The following VPS8 variants were observed in gnomAD, a reference collection of about 807,000 sequenced individuals.
VPS8 encodes VPS8 subunit of CORVET complex, also known as vacuolar protein sorting-associated protein 8 homolog.
Under a neutral mutation model 216.4 loss-of-function variants are expected in VPS8, and 129 were observed. That is an observed-to-expected ratio of 0.60 (90% CI 0.52 to 0.69). The LOEUF (loss-of-function observed/expected upper bound fraction) is 0.69, where lower values mean the gene tolerates loss of function less well. Ranked by LOEUF, VPS8 falls within the 30% of genes least tolerant of loss-of-function variation. VPS8 has a pLI of 0.00. For synonymous variants in VPS8, 571 were observed against 565.4 expected, an observed-to-expected ratio of 1.01 and a Z score of -0.14; for missense variants, 1,531 against 1,683.5, an observed-to-expected ratio of 0.91 and a Z score of 1.59.
chr3:185,030,597 G>A (rs1369746561), intron 46 of VPS8, among the ~76,000 whole-genome samples: 1 of 152,200 alleles, frequency 6.6e-6, no homozygotes, highest in African/African-American at 2.4e-5. Flanking sequence ...AAGCCTGTTA[G>A]GTGCCAGGGT....
At chr3:184,920,086 C>T in intron 28 of VPS8, 41 bp from the exon 29 acceptor site, 1 of 1,323,766 alleles carries the variant, frequency 7.6e-7, no homozygotes, top group Non-Finnish European at 1.0e-6. Flanking sequence ...TCTACATGTG[C>T]AAATAATAAT....
chr3:184,954,985 A>G (rs925758911), intron 36 of VPS8, among the ~76,000 whole-genome samples: 1 of 152,190 alleles, frequency 6.6e-6, no homozygotes, highest in Admixed American at 6.5e-5. Context: ...GTGAGAAGTG[A>G]CCTAGAAGGC....
chr3:184,945,488 T>G (rs1743513827), intron 36 of VPS8, among the ~76,000 whole-genome samples: 1 of 152,150 alleles, frequency 6.6e-6, no homozygotes, highest in Non-Finnish European at 1.5e-5. Flanking sequence ...AGAGTGATGA[T>G]CAAGTTTTCA....
chr3:184,882,328 CATGTG>C (rs1235617113), intron 21 of VPS8: 1 of 445,334 alleles, frequency 2.2e-6, no homozygotes, highest in Non-Finnish European at 4.5e-6. Context: ...TTAATATGAT[CATGTG>C]ATTTTTTTTC....
At chr3:184,868,691 T>C (rs1727801843) in intron 18 of VPS8, among the ~76,000 whole-genome samples, 1 of 152,262 alleles carries the variant, frequency 6.6e-6, no homozygotes, top group Non-Finnish European at 1.5e-5. Context: ...ACTAGCCATT[T>C]CTGCTACAAT....
At chr3:184,918,786 C>T (rs1024797236) in intron 28 of VPS8, among the ~76,000 whole-genome samples, 4 of 152,164 alleles carry the variant, frequency 2.6e-5, no homozygotes, top group African/African-American at 9.7e-5. Context: ...AGTATCATCT[C>T]ACTTTAGCAG....
At chr3:184,907,089 A>G (rs528285122) in intron 25 of VPS8, among the ~76,000 whole-genome samples, 5 of 152,296 alleles carry the variant, frequency 3.3e-5, no homozygotes, top group East Asian at 3.9e-4. Flanking sequence ...GCTTGCTTTT[A>G]TACATTTTAG....
chr3:184,813,496 G>C (rs1194776682), intron 1 of VPS8, among the ~76,000 whole-genome samples: 2 of 152,120 alleles, frequency 1.3e-5, no homozygotes, highest in Non-Finnish European at 2.9e-5. Context: ...GTTTGCTCAT[G>C]GTTAAATTTA....
At chr3:184,901,035 CA>C (rs1242255476) in intron 25 of VPS8, 63 bp downstream of exon 25, 2 of 1,452,310 alleles carry the variant, frequency 1.4e-6, no homozygotes, top group East Asian at 4.6e-5. Context: ...TTAAATGTTA[CA>C]AAATTGGCCA....
chr3:184,820,609 C>T (rs1418319490), intron 1 of VPS8, among the ~76,000 whole-genome samples: 1 of 152,084 alleles, frequency 6.6e-6, no homozygotes, highest in Non-Finnish European at 1.5e-5. Context: ...CTGAAAAATT[C>T]ACAGAAGCTG....
At chr3:185,024,438 A>G (rs1383426901) in intron 46 of VPS8, 49 bp downstream of exon 46, 13 of 1,516,452 alleles carry the variant, frequency 8.6e-6, no homozygotes, top group South Asian at 1.2e-5. Context: ...CTGTATGTTT[A>G]TTCTCCTATG....
rs546097166 is a variant in VPS8 at position 184,920,368 on chromosome 3, ATTT to A, written c.2454+172_2454+174del. Among the ~76,000 whole-genome samples, 593 of 152,288 alleles carry A rather than the reference ATTT, an allele frequency of 3.9e-3. 3 individuals are homozygous for A. The highest frequency in any genetic ancestry group is 0.014 in the African/African-American group (572 of 41,566). On this transcript the variant is annotated intron_variant, in intron 29 of 47. Coordinates refer to ENST00000625842, the MANE Select transcript of VPS8 (RefSeq NM_001009921.3). ...GAGCTGAATTAAGTACTAATTATTT[ATTT>A]TAAAAAATTTTTAGTGTATGTTGGC...
At chr3:184,835,331 TTCAAGTGTAGTGCC>T (rs1720828593) in intron 5 of VPS8, among the ~76,000 whole-genome samples, 1 of 152,198 alleles carries the variant, frequency 6.6e-6, no homozygotes, top group Non-Finnish European at 1.5e-5. Context: ...GGTTTCTGGC[TTCAAGTGTAGTGCC>T]TCTATTGTGA....
intron 47 of VPS8, 119 bp from the exon 48 acceptor site, chr3:185,051,757 G>A: frequency 8.1e-7 from 1 of 1,239,878 alleles, no homozygotes; most frequent in Non-Finnish European, 1.1e-6. Context: ...TTCAAACCCT[G>A]CATGTTACTA....
intron 44 of VPS8, among the ~76,000 whole-genome samples, chr3:184,998,166 C>T (rs1278164111): frequency 6.6e-6 from 1 of 152,102 alleles, no homozygotes; most frequent in Non-Finnish European, 1.5e-5. Flanking sequence ...GAAAGTGAGA[C>T]TTTTACTCTG....
At chr3:184,824,951 G>A in intron 2 of VPS8, 166 bp downstream of exon 2, 1 of 672,368 alleles carries the variant, frequency 1.5e-6, no homozygotes, top group Middle Eastern at 2.9e-4. Flanking sequence ...TGTTGTCCAG[G>A]TTGGAGTACA....
intron 45 of VPS8, among the ~76,000 whole-genome samples, chr3:185,002,748 C>T (rs1309512917): frequency 6.6e-6 from 1 of 152,160 alleles, no homozygotes; most frequent in Admixed American, 6.6e-5. Context: ...TAATGGTCTC[C>T]ATCTCCATCC....
chr3:184,938,424 T>TGG (rs1468618150), intron 35 of VPS8, among the ~76,000 whole-genome samples: 1 of 152,182 alleles, frequency 6.6e-6, no homozygotes, highest in African/African-American at 2.4e-5. Flanking sequence ...GGAATGCTAA[T>TGG]GGAGCCCAGG....
At chr3:184,987,804 C>T (rs1751340821) in intron 42 of VPS8, among the ~76,000 whole-genome samples, 1 of 152,186 alleles carries the variant, frequency 6.6e-6, no homozygotes, top group Non-Finnish European at 1.5e-5. Context: ...AAGAAACTGC[C>T]AAACTCTGCT....
Sources: gnomAD v4.1 joint callset for allele counts (sites outside exome capture counted in the v4.1 genomes callset) on GRCh38, gnomAD v4.1.1 for gene constraint, MANE v1.5 for transcripts, NCBI Gene and HGNC (gene_info 2026-07-23, HGNC 2026-07-21) for gene names.